ITCH: variants seen among roughly 807,000 people sequenced by gnomAD.
ITCH encodes itchy E3 ubiquitin protein ligase.
In ITCH, 28 loss-of-function variants were observed where a neutral mutation model predicts 126.8. The observed-to-expected ratio is 0.22, with a 90% CI of 0.16 to 0.30. The LOEUF (loss-of-function observed/expected upper bound fraction) is 0.30, where lower values mean the gene tolerates loss of function less well. Ranked by LOEUF, ITCH falls within the 10% of genes least tolerant of loss-of-function variation. The pLI, the probability that ITCH is intolerant of heterozygous loss-of-function variation, is 1.00. For synonymous variants in ITCH, 342 were observed against 340.0 expected (o/e 1.01, Z -0.06); for missense variants, 631 against 1,032.4 (o/e 0.61, Z 5.33).
chr20:34,364,724 C>CAAAAAAAAAA (rs1171765663), intron 1 of ITCH, among the ~76,000 whole-genome samples: 11,527 of 44,260 alleles, frequency 0.26, 1,746 homozygotes, highest in Non-Finnish European at 0.31. Context: ...ACTAAAAATA[C>CAAAAAAAAAA]AAAAAAAAAA....
At chr20:34,365,424 C>T (rs958357447) in intron 1 of ITCH, among the ~76,000 whole-genome samples, 18 of 151,976 alleles carry the variant, frequency 1.2e-4, no homozygotes, top group African/African-American at 3.6e-4. Context: ...ACATCTTTTT[C>T]GTTTGTTTGA....
intron 23 of ITCH, among the ~76,000 whole-genome samples, chr20:34,497,360 T>G (rs994246494): frequency 3.9e-5 from 6 of 152,112 alleles, no homozygotes; most frequent in African/African-American, 1.4e-4. Context: ...TGTTTCTGGG[T>G]TCTCTCTTCT....
chr20:34,412,042 A>G (rs1008942036), intron 4 of ITCH, among the ~76,000 whole-genome samples: 11 of 152,204 alleles, frequency 7.2e-5, no homozygotes, highest in South Asian at 4.1e-4. Context: ...CAGTTCTGCT[A>G]CTTACTGGCT....
intron 2 of ITCH, among the ~76,000 whole-genome samples, chr20:34,373,301 A>G (rs1414406491): frequency 2.7e-5 from 4 of 146,766 alleles, no homozygotes; most frequent in Non-Finnish European, 4.5e-5. Context: ...TTTTTGAGGC[A>G]GAGTCTTGTT....
intron 7 of ITCH, among the ~76,000 whole-genome samples, chr20:34,435,620 G>C (rs1245056276): frequency 6.6e-6 from 1 of 152,138 alleles, no homozygotes; most frequent in East Asian, 1.9e-4. Context: ...ACTTTACTTA[G>C]TTTATTTACT....
chr20:34,387,611 C>T (rs907148287), intron 2 of ITCH, among the ~76,000 whole-genome samples: 2 of 149,884 alleles, frequency 1.3e-5, no homozygotes, highest in African/African-American at 4.9e-5. Context: ...CAGAGCGAGA[C>T]CCTGTCTCAA....
chr20:34,382,678 G>C (rs2038108821), intron 2 of ITCH, among the ~76,000 whole-genome samples: 1 of 149,086 alleles, frequency 6.7e-6, no homozygotes, highest in Non-Finnish European at 1.5e-5. Context: ...AAAGTGCTGG[G>C]ATTATAGGTG....
At chr20:34,375,738 T>C (rs2037818914) in intron 2 of ITCH, among the ~76,000 whole-genome samples, 1 of 136,874 alleles carries the variant, frequency 7.3e-6, no homozygotes, top group South Asian at 2.5e-4. Context: ...TTTTACCAGT[T>C]GCTGTGGCTC....
intron 6 of ITCH, among the ~76,000 whole-genome samples, chr20:34,419,077 A>G (rs2146201280): frequency 6.6e-6 from 1 of 152,232 alleles, no homozygotes; most frequent in East Asian, 1.9e-4. Context: ...AACTCCTTTC[A>G]ACATGTATGT....
chr20:34,395,040 T>TGGTGAACCA (rs931910704), intron 3 of ITCH, among the ~76,000 whole-genome samples: 6 of 151,976 alleles, frequency 3.9e-5, no homozygotes, highest in African/African-American at 1.5e-4. Flanking sequence ...GAGACCAGCC[T>TGGTGAACCA]GGCCAACATG....
chr20:34,471,890 T>G, intron 16 of ITCH, among the ~76,000 whole-genome samples: 1 of 152,160 alleles, frequency 6.6e-6, no homozygotes, highest in East Asian at 1.9e-4. Flanking sequence ...AATACCCATA[T>G]GAACATTATC....
intron 3 of ITCH, chr20:34,402,590 T>A: frequency 1.5e-6 from 1 of 677,786 alleles, no homozygotes; most frequent in South Asian, 1.5e-5. Context: ...GTCATAATTG[T>A]TATTGCATAG....
In ITCH at chr20:34,368,965, A is replaced by G. The variant is rs529146081; in HGVS notation, c.-98-429A>G. On this transcript the variant is annotated intron_variant, in intron 1 of 24. Coordinates refer to ENST00000374864, the MANE Select transcript of ITCH (RefSeq NM_031483.7). ...CTGTCTGCTCCATTAAAAATTGTCTATCCCATGAAATTTTTAAAAGAGACT... is the reference window on the plus strand; with the variant it reads ...CTGTCTGCTCCATTAAAAATTGTCTGTCCCATGAAATTTTTAAAAGAGACT... Among the ~76,000 whole-genome samples the G allele has an allele frequency of 7.8e-4, 119 of 152,112 alleles. 1 individual carries two copies. Among genetic ancestry groups the G allele is most frequent in the Non-Finnish European group, 1.5e-3 (105 of 68,034 alleles).
intron 9 of ITCH, among the ~76,000 whole-genome samples, chr20:34,440,597 C>T (rs1261085282): frequency 6.6e-6 from 1 of 152,064 alleles, no homozygotes; most frequent in Non-Finnish European, 1.5e-5. Flanking sequence ...GCTAGGATTA[C>T]AGGTGTGCAC....
intron 13 of ITCH, among the ~76,000 whole-genome samples, 183 bp from the exon 14 acceptor site, chr20:34,461,910 G>A (rs1986555223): frequency 6.6e-6 from 1 of 152,108 alleles, no homozygotes; most frequent in Admixed American, 6.6e-5. Context: ...TGTGTTTGAT[G>A]GACTTTGAGT....
intron 10 of ITCH, among the ~76,000 whole-genome samples, chr20:34,444,183 G>A (rs1045292578): frequency 2.6e-5 from 4 of 152,116 alleles, no homozygotes; most frequent in African/African-American, 9.7e-5. Context: ...GAAGTCATTC[G>A]ATTCATTTAT....
intron 22 of ITCH, 77 bp from the exon 23 acceptor site, chr20:34,492,424 T>A: frequency 1.0e-6 from 1 of 970,690 alleles, no homozygotes; most frequent in South Asian, 1.4e-5. Context: ...AGATTTGAAA[T>A]CATTATTTTT....
chr20:34,444,914 T>C (rs1314918528), intron 10 of ITCH, among the ~76,000 whole-genome samples: 6 of 152,220 alleles, frequency 3.9e-5, no homozygotes, highest in Non-Finnish European at 8.8e-5. Context: ...AGTGCTAGGA[T>C]CACAGGTGTG....
intron 13 of ITCH, among the ~76,000 whole-genome samples, chr20:34,459,206 G>A (rs908706635): frequency 2.6e-5 from 4 of 152,136 alleles, no homozygotes; most frequent in African/African-American, 9.7e-5. Context: ...TCTAGAGAAA[G>A]AATGCAAAAT....
Sources: gnomAD v4.1 joint callset for allele counts (sites outside exome capture counted in the v4.1 genomes callset) on GRCh38, gnomAD v4.1.1 for gene constraint, MANE v1.5 for transcripts, NCBI Gene and HGNC (gene_info 2026-07-23, HGNC 2026-07-21) for gene names.